The following MTUS2 variants were observed in gnomAD, a reference collection of about 807,000 sequenced individuals.
The protein encoded by MTUS2 is microtubule associated scaffold protein 2.
A neutral mutation model predicts 114.1 loss-of-function variants in MTUS2; 40 were observed. The observed-to-expected ratio is 0.35, with a 90% CI of 0.27 to 0.46. The LOEUF (loss-of-function observed/expected upper bound fraction) is 0.46, where lower values mean the gene tolerates loss of function less well. Among genes scored for constraint, MTUS2 ranks in the 20% least tolerant of loss-of-function variants. MTUS2 has a pLI of 1.00. For synonymous variants in MTUS2, 688 were observed against 672.0 expected, an observed-to-expected ratio of 1.02 and a Z score of -0.37; for missense variants, 1,679 against 1,705.4, an observed-to-expected ratio of 0.98 and a Z score of 0.27.
intron 2 of MTUS2, among the ~76,000 whole-genome samples, chr13:29,016,339 C>T (rs913519383): frequency 5.3e-5 from 8 of 151,454 alleles, no homozygotes; most frequent in Non-Finnish European, 1.2e-4. Flanking sequence ...GTGGAATTCT[C>T]CCCTGGAAAG....
intron 1 of MTUS2, among the ~76,000 whole-genome samples, chr13:28,822,993 G>A (rs564351274): frequency 6.6e-6 from 1 of 152,330 alleles, no homozygotes. Context: ...GCACACACAT[G>A]GGATTGTTTT....
intron 8 of MTUS2, among the ~76,000 whole-genome samples, chr13:29,437,005 G>A (rs1877460226): frequency 6.6e-6 from 1 of 152,118 alleles, no homozygotes; most frequent in Non-Finnish European, 1.5e-5. Flanking sequence ...GAAGAGGCCT[G>A]TCCCTCTCAT....
At chr13:29,377,134 A>G (rs1414221206) in intron 8 of MTUS2, among the ~76,000 whole-genome samples, 1 of 152,194 alleles carries the variant, frequency 6.6e-6, no homozygotes, top group Non-Finnish European at 1.5e-5. Flanking sequence ...CTGAACAGCA[A>G]AATAGGTGAA....
intron 5 of MTUS2, among the ~76,000 whole-genome samples, chr13:29,166,816 A>G (rs949316076): frequency 2.6e-5 from 4 of 152,180 alleles, no homozygotes; most frequent in Non-Finnish European, 5.9e-5. Flanking sequence ...TGAAGTAAAG[A>G]TGTATTGTCT....
At chr13:29,498,999 C>T (rs991435664) in intron 14 of MTUS2, among the ~76,000 whole-genome samples, 18 of 152,186 alleles carry the variant, frequency 1.2e-4, no homozygotes, top group African/African-American at 4.3e-4. Flanking sequence ...CCAGTCCTCA[C>T]AAGGCAGAAG....
At chr13:29,164,805 G>A (rs1413753496) in intron 5 of MTUS2, among the ~76,000 whole-genome samples, 3 of 152,116 alleles carry the variant, frequency 2.0e-5, no homozygotes, top group African/African-American at 4.8e-5. Flanking sequence ...TTCTGTCCAC[G>A]TTAAGTAAAA....
At chr13:28,974,915 T>C (rs923706730) in intron 2 of MTUS2, among the ~76,000 whole-genome samples, 1 of 152,242 alleles carries the variant, frequency 6.6e-6, no homozygotes, top group African/African-American at 2.4e-5. Flanking sequence ...GGCAAAGCTA[T>C]GTATACAAAG....
chr13:29,129,840 T>C (rs540410266), intron 5 of MTUS2, among the ~76,000 whole-genome samples: 2 of 152,218 alleles, frequency 1.3e-5, no homozygotes, highest in Admixed American at 1.3e-4. Flanking sequence ...ATAGTCTCTC[T>C]TCAAAAAAGA....
intron 2 of MTUS2, among the ~76,000 whole-genome samples, chr13:28,891,631 G>A (rs1371671676): frequency 6.6e-6 from 1 of 152,018 alleles, no homozygotes; most frequent in African/African-American, 2.4e-5. Flanking sequence ...TGTAATCCCA[G>A]CACTTTGGGA....
At chr13:28,955,310 T>G (rs1883008280) in intron 2 of MTUS2, among the ~76,000 whole-genome samples, 1 of 152,200 alleles carries the variant, frequency 6.6e-6, no homozygotes, top group African/African-American at 2.4e-5. Context: ...GAATAAAATA[T>G]AAATACAAAC....
chr13:29,368,287 G>A, intron 8 of MTUS2, among the ~76,000 whole-genome samples: 1 of 151,978 alleles, frequency 6.6e-6, no homozygotes, highest in South Asian at 2.1e-4. Context: ...CCCTGGGACA[G>A]CAGGTGGGAC....
chr13:29,376,240 G>A (rs1871736166), intron 8 of MTUS2, among the ~76,000 whole-genome samples: 1 of 152,230 alleles, frequency 6.6e-6, no homozygotes, highest in South Asian at 2.1e-4. Flanking sequence ...TCTGATGGAG[G>A]TTGCACGTAG....
At chr13:29,466,091 C>A (rs913040854) in intron 9 of MTUS2, among the ~76,000 whole-genome samples, 15 of 152,228 alleles carry the variant, frequency 9.9e-5, no homozygotes, top group Admixed American at 7.2e-4. Context: ...TGTGGCTTTC[C>A]AATGCCGCTG....
intron 9 of MTUS2, among the ~76,000 whole-genome samples, chr13:29,455,003 G>C (rs1218426890): frequency 1.3e-5 from 2 of 152,230 alleles, no homozygotes; most frequent in Non-Finnish European, 2.9e-5. Context: ...ACCATAGCCT[G>C]TAATCCTTGG....
At chr13:29,060,657 A>G (rs1347629578) in intron 4 of MTUS2, among the ~76,000 whole-genome samples, 1 of 149,218 alleles carries the variant, frequency 6.7e-6, no homozygotes, top group African/African-American at 2.5e-5. Context: ...CTAATCCTCC[A>G]ATTTCTGCCT....
At chr13:29,296,402 G>A (rs1429795594) in intron 6 of MTUS2, among the ~76,000 whole-genome samples, 2 of 151,800 alleles carry the variant, frequency 1.3e-5, no homozygotes, top group African/African-American at 4.8e-5. Flanking sequence ...GTAGAGATGG[G>A]GTCTTGCTAC....
chr13:29,493,792 G>A (rs1882351011), intron 12 of MTUS2, among the ~76,000 whole-genome samples: 1 of 152,222 alleles, frequency 6.6e-6, no homozygotes, highest in African/African-American at 2.4e-5. Context: ...CGGCCATACA[G>A]CGATATCACA....
At chr13:29,493,770 T>G (rs1382003291) in intron 12 of MTUS2, among the ~76,000 whole-genome samples, 1 of 152,116 alleles carries the variant, frequency 6.6e-6, no homozygotes, top group Non-Finnish European at 1.5e-5. Flanking sequence ...GGAACACAAA[T>G]CAGGAAAGTG....
chr13:29,100,661 A>T, intron 4 of MTUS2, 112 bp from the exon 5 acceptor site: 1 of 1,267,024 alleles, frequency 7.9e-7, no homozygotes. Flanking sequence ...ACCTTGCAAG[A>T]TTAATTTTAG....
Sources: allele counts gnomAD v4.1 joint callset (sites outside exome capture counted in the v4.1 genomes callset), GRCh38; gene constraint gnomAD v4.1.1; transcripts MANE v1.5; gene names NCBI Gene and HGNC (gene_info 2026-07-23, HGNC 2026-07-21).